Variants in DUSP6 observed in about 807,000 individuals in gnomAD.
The protein encoded by DUSP6 is dual specificity protein phosphatase 6.
Under a neutral mutation model 28.0 loss-of-function variants are expected in DUSP6, and 6 were observed. That is an observed-to-expected ratio of 0.21 (90% CI 0.12 to 0.42). DUSP6 has a LOEUF of 0.42. Ranked by LOEUF, DUSP6 falls within the 10% of genes least tolerant of loss-of-function variation. The pLI is 1.00. For missense variants in DUSP6, 451 were observed against 498.1 expected (o/e 0.91, Z 0.90); for synonymous variants, 252 against 217.5 (o/e 1.16, Z -1.40).
Position 89,348,669 on chromosome 12 carries a change from C to T in DUSP6, c.*585G>A, listed in dbSNP as rs1332264662. 6.6e-6 allele frequency: 1 copy of T among 152,624 alleles called. No homozygotes were observed. Among genetic ancestry groups the T allele is most frequent in the Non-Finnish European group, 1.5e-5 (1 of 68,078 alleles). 9.5% of individuals were successfully genotyped at this position (152,624 alleles called of 1,614,324 possible). On this transcript the variant is annotated 3_prime_UTR_variant, in exon 3 of 3. Coordinates refer to ENST00000279488, the MANE Select transcript of DUSP6 (RefSeq NM_001946.4). ...AAGAAGTGGCATACTGCTCTTTCTCCCTTTGGATAATTTCTTTTAAGCCCA... is the reference window on the plus strand; with the variant it reads ...AAGAAGTGGCATACTGCTCTTTCTCTCTTTGGATAATTTCTTTTAAGCCCA...
rs776032408 is a variant in DUSP6 at position 89,351,953 on chromosome 12, C to T, written c.87G>A (p.Leu29=). The change falls in exon 1 of 3, where the codon CTG becomes CTA. Residue 29 remains leucine, a synonymous_variant. Transcript: ENST00000279488. ...CCATCAGCAGCAGCCGCTCGTTGCC[C>T]AGCTCCAGCTGCTCGTTGAGCCACG... ...TVAWLNEQLE[L]GNERLLLMDC... is the part of the protein sequence containing the mutation. 8.7e-6 allele frequency: 14 copies of T among 1,613,066 alleles called. 1 individual carries two copies. In the South Asian group the frequency reaches 1.4e-4, roughly 16 times the overall value.
chr12:89,351,079 C>A (rs1034225366), intron 1 of DUSP6, 54 bp from the exon 2 acceptor site: 3 of 1,518,860 alleles, frequency 2.0e-6, no homozygotes, highest in Non-Finnish European at 2.6e-6. Flanking sequence ...GTAGTTTTCA[C>A]AGCTTGTAAG....
Position 89,350,568 on chromosome 12 carries a change from C to T in DUSP6, c.838+20G>A. On this transcript the variant is annotated intron_variant, in intron 2 of 2. Transcript: ENST00000279488. ...ATTTTGCATTTAAATGTCAGAGCGA[C>T]GACTATTAATTAGTCTCACCTATGA... 3 of 1,598,322 alleles carry T rather than the reference C, an allele frequency of 1.9e-6. No homozygotes were observed. The highest frequency in any genetic ancestry group is 2.6e-6 in the Non-Finnish European group (3 of 1,168,854).
At chr12:89,350,333 A>G (rs994364308) in intron 2 of DUSP6, among the ~76,000 whole-genome samples, 3 of 152,232 alleles carry the variant, frequency 2.0e-5, no homozygotes, top group African/African-American at 4.8e-5. Context: ...TCCGATTATG[A>G]ACGACTGTCA....
In DUSP6 at chr12:89,351,623, G is replaced by C; in HGVS notation, c.400+17C>G. 6.3e-7 allele frequency: 1 copy of C among 1,584,222 alleles called. No individual in the cohort carries two copies. The highest frequency in any genetic ancestry group is 8.6e-7 in the Non-Finnish European group (1 of 1,163,232). ...CCCCTAGCCCTGCCCCGCGCGCGGA[G>C]TTCCCTGGGCGCGTACCTTCCAGGT... is the stretch of plus-strand genomic sequence containing the variant. On this transcript the variant is annotated intron_variant, in intron 1 of 2. Coordinates refer to ENST00000279488, the MANE Select transcript of DUSP6 (RefSeq NM_001946.4).
At chr12:89,351,611 C>A (rs1879193286) in intron 1 of DUSP6, 29 bp downstream of exon 1, 7 of 1,571,628 alleles carry the variant, frequency 4.5e-6, no homozygotes, top group Non-Finnish European at 6.0e-6. Flanking sequence ...CTAGCCCTGC[C>A]CCGCGCGCGG....
chr12:89,350,490 A>C lies in DUSP6; in HGVS notation c.838+98T>G. On this transcript the variant is annotated intron_variant, in intron 2 of 2. Transcript: ENST00000279488. ...AACATTAGAGACCTGCAGTCAGACA[A>C]ATTAGCAAGCAGCAAGAACGATTAA... 2.4e-6 allele frequency: 3 copies of C among 1,261,656 alleles called. No individual in the cohort carries two copies. The South Asian group carries it at 4.2e-5, about 18-fold the overall frequency. The allele number at this position is 1,261,656 out of a possible 1,614,324, so 78.2% of individuals were successfully genotyped here. A position where few individuals can be genotyped will look rare whatever the true frequency, so the allele number is the denominator to read the frequency against.
At chr12:89,351,114 C>T (rs1219706822) in intron 1 of DUSP6, 89 bp from the exon 2 acceptor site, 5 of 1,357,846 alleles carry the variant, frequency 3.7e-6, no homozygotes, top group Non-Finnish European at 4.0e-6. Flanking sequence ...GCAAGAAACA[C>T]CACAAGCATC....
Position 89,351,640 on chromosome 12 carries a change from C to G in DUSP6, c.400G>C (p.Gly134Arg), listed in dbSNP as rs764598740. 6.3e-7 allele frequency: 1 copy of G among 1,599,984 alleles called. No homozygotes were observed. Among genetic ancestry groups the G allele is most frequent in the Admixed American group, 1.7e-5 (1 of 59,450 alleles). Reference protein sequence around the residue: ...DEGCRAFYLEGGFSKFQAEFS... With the variant: ...DEGCRAFYLERGFSKFQAEFS... Reference sequence around the variant, plus strand: ...CGCGCGGAGTTCCCTGGGCGCGTACCTTCCAGGTAGAACGCCCGGCAGCCC... The same window carrying G: ...CGCGCGGAGTTCCCTGGGCGCGTACGTTCCAGGTAGAACGCCCGGCAGCCC... The change falls in exon 1 of 3, where the codon GGT (glycine) becomes CGT (arginine). Residue 134 changes from glycine to arginine, a missense_variant and splice_region_variant. By Grantham distance (125) the Gly-to-Arg change is moderately radical. Around this residue, in one of 2 missense-constraint regions of DUSP6, gnomAD observed 347 missense variants for 346.6 expected, o/e 1.00. Coordinates refer to ENST00000279488, the MANE Select transcript of DUSP6 (RefSeq NM_001946.4).
chr12:89,351,442 G>A, intron 1 of DUSP6, 198 bp downstream of exon 1: 2 of 914,014 alleles, frequency 2.2e-6, no homozygotes, highest in Non-Finnish European at 3.2e-6. Flanking sequence ...GGAAGCGAGT[G>A]GATTCTGAGC....
rs192081420 is a variant in DUSP6, at chr12:89,351,952, C to A, written c.88G>T (p.Gly30Cys). The change falls in exon 1 of 3, where the codon GGC (glycine) becomes TGC (cysteine). Residue 30 changes from glycine to cysteine, a missense_variant. Physicochemically the swap from Gly to Cys is radical, Grantham distance 159. Transcript: ENST00000279488. ...VAWLNEQLELGNERLLLMDCR... is the reference protein window; with the variant it reads ...VAWLNEQLELCNERLLLMDCR... Reference sequence around the variant, plus strand: ...TCCATCAGCAGCAGCCGCTCGTTGCCCAGCTCCAGCTGCTCGTTGAGCCAC... The same window carrying A: ...TCCATCAGCAGCAGCCGCTCGTTGCACAGCTCCAGCTGCTCGTTGAGCCAC... 8.1e-6 allele frequency: 13 copies of A among 1,612,936 alleles called. No individual in the cohort carries two copies. In the African/African-American group the frequency reaches 1.2e-4, roughly 15 times the overall value.
chr12:89,351,102 G>C, intron 1 of DUSP6, 77 bp from the exon 2 acceptor site: 1 of 1,470,048 alleles, frequency 6.8e-7, no homozygotes, highest in Non-Finnish European at 9.1e-7. Flanking sequence ...CCGCAGCCCG[G>C]CGCAAGAAAC....
chr12:89,350,815 G>C lies in DUSP6; in HGVS notation c.611C>G (p.Pro204Arg). 6.2e-7 allele frequency: 1 copy of C among 1,614,154 alleles called. No homozygotes were observed. The highest frequency in any genetic ancestry group is 8.5e-7 in the Non-Finnish European group (1 of 1,180,042). ...SDGSPLSNSQ[P>R]SFPVEILPFL... ...GGGCAAGATCTCCACTGGGAAGGAA[G>C]GCTGGCTGTTGGACAGCGGACTACC... Residue 204 changes from proline to arginine, a missense_variant, in exon 2 of 3, where the codon CCT becomes CGT. Physicochemically the swap from Pro to Arg is moderately radical, Grantham distance 103 (BLOSUM62 -2). Transcript: ENST00000279488.
chr12:89,347,372 T>G lies in DUSP6; in HGVS notation c.*1882A>C, dbSNP rs1408636229. The G allele has an allele frequency of 1.3e-5, 2 of 152,104 alleles. 1 individual carries two copies. Among genetic ancestry groups the G allele is most frequent in the Non-Finnish European group, 2.9e-5 (2 of 68,028 alleles). The allele number at this position is 152,104 out of a possible 1,614,324, so 9.4% of individuals were successfully genotyped here. A position where few individuals can be genotyped will look rare whatever the true frequency, so the allele number is the denominator to read the frequency against. ...GAAACTAAAATAATCCCCACAAGTT[T>G]CAATAAGGGTTTCTGACCCACATCC... On this transcript the variant is annotated 3_prime_UTR_variant, in exon 3 of 3. Coordinates refer to ENST00000279488, the MANE Select transcript of DUSP6 (RefSeq NM_001946.4).
intron 1 of DUSP6, 60 bp from the exon 2 acceptor site, chr12:89,351,085 G>C (rs370695322): frequency 1.1e-5 from 17 of 1,507,452 alleles, no homozygotes; most frequent in Admixed American, 6.1e-5. Flanking sequence ...TTCACAGCTT[G>C]TAAGAACCGC....
chr12:89,351,294 A>C (rs1367225449), intron 1 of DUSP6: 1 of 584,784 alleles, frequency 1.7e-6, no homozygotes, highest in Non-Finnish European at 3.0e-6. Context: ...AGATGTGCCA[A>C]TTTGCATCCC....
rs535641678 is a variant in DUSP6, at chr12:89,347,352, T to C, written c.*1902A>G. On this transcript the variant is annotated 3_prime_UTR_variant, in exon 3 of 3. Transcript: ENST00000279488. ...TAAAGTCTTTAGCTTGAAAAGAAAC[T>C]AAAATAATCCCCACAAGTTTCAATA... The C allele has an allele frequency of 2.0e-5, 3 of 152,114 alleles. No individual in the cohort carries two copies. Among genetic ancestry groups the C allele is most frequent in the Non-Finnish European group, 4.4e-5 (3 of 68,030 alleles). The allele number at this position is 152,114 out of a possible 1,614,324, so 9.4% of individuals were successfully genotyped here.
chr12:89,351,157 A>G, intron 1 of DUSP6, 132 bp from the exon 2 acceptor site: 1 of 974,606 alleles, frequency 1.0e-6, no homozygotes, highest in Middle Eastern at 3.3e-4. Flanking sequence ...ACCATCTATA[A>G]GAGAAACACA....
Position 89,351,688 on chromosome 12 carries a change from G to T in DUSP6, c.352C>A (p.Leu118Met). The T allele has an allele frequency of 6.2e-7, 1 of 1,606,924 alleles. No homozygotes were observed. Among genetic ancestry groups the T allele is most frequent in the African/African-American group, 1.3e-5 (1 of 74,902 alleles). ...CCCTCGTCCTTGAGCTTCTTGAGCA[G>T]CAGCCCGAGCACCGACTCGCCGCCC... ...NTGGESVLGL[L>M]LKKLKDEGCR... Residue 118 changes from leucine to methionine, a missense_variant, in exon 1 of 3, where the codon CTG becomes ATG. Physicochemically the swap from Leu to Met is conservative, Grantham distance 15. Coordinates refer to ENST00000279488, the MANE Select transcript of DUSP6 (RefSeq NM_001946.4).
Sources: allele counts gnomAD v4.1 joint callset (sites outside exome capture counted in the v4.1 genomes callset), GRCh38; gene constraint gnomAD v4.1.1; regional missense constraint gnomAD v4.1.1; transcripts MANE v1.5; gene names NCBI Gene and HGNC (gene_info 2026-07-23, HGNC 2026-07-21).